KLC1: variants seen among roughly 807,000 people sequenced by gnomAD.
The protein encoded by KLC1 is kinesin light chain 1.
A neutral mutation model predicts 84.2 loss-of-function variants in KLC1; 30 were observed. The ratio of observed to expected loss-of-function variants is 0.36; its 90% CI spans 0.27 to 0.48. The LOEUF is 0.48. Ranked by LOEUF, KLC1 falls within the 20% of genes least tolerant of loss-of-function variation. The probability of loss-of-function intolerance (pLI) is 0.99; values close to 1 mark genes in which losing one functional copy is unlikely to be tolerated. For synonymous variants in KLC1, 289 were observed against 293.3 expected (o/e 0.99, Z 0.15); for missense variants, 499 against 805.4 (o/e 0.62, Z 4.60).
chr14:103,646,932 C>G (rs978568032), intron 1 of KLC1, among the ~76,000 whole-genome samples: 1 of 152,088 alleles, frequency 6.6e-6, no homozygotes, highest in East Asian at 1.9e-4. Context: ...TTCTATTTTT[C>G]ATATTACCTC....
chr14:103,640,845 C>T (rs2077433190), intron 1 of KLC1, among the ~76,000 whole-genome samples: 2 of 152,198 alleles, frequency 1.3e-5, no homozygotes, highest in South Asian at 2.1e-4. Context: ...TCCAATTTCC[C>T]CTAATGTTAA....
At chr14:103,686,301 A>G in intron 13 of KLC1, 2 of 827,404 alleles carry the variant, frequency 2.4e-6, no homozygotes, top group Non-Finnish European at 2.9e-6. Flanking sequence ...CACAGCTGCT[A>G]GGGGTCATGG....
chr14:103,679,238 C>G lies in KLC1; in HGVS notation c.1489-146C>G, dbSNP rs1023117521. 6.6e-6 allele frequency: 7 copies of G among 1,058,728 alleles called. No homozygotes were observed. In the African/African-American group the frequency reaches 7.9e-5, roughly 12 times the overall value. The allele number at this position is 1,058,728 out of a possible 1,614,324, so 65.6% of individuals were successfully genotyped here. Reference sequence around the variant, plus strand: ...CAGTTCCCCGCCTCCACCCTCACCCCCTCCAAGGAACCACTCTTCCAATGT... The same window carrying G: ...CAGTTCCCCGCCTCCACCCTCACCCGCTCCAAGGAACCACTCTTCCAATGT... On this transcript the variant is annotated intron_variant, in intron 12 of 16. Transcript: ENST00000334553.
intron 1 of KLC1, among the ~76,000 whole-genome samples, chr14:103,645,590 C>A (rs2077854327): frequency 6.6e-6 from 1 of 152,178 alleles, no homozygotes; most frequent in South Asian, 2.1e-4. Flanking sequence ...TTACACAAAC[C>A]TAGGAAGTAT....
intron 5 of KLC1, among the ~76,000 whole-genome samples, chr14:103,667,336 A>G (rs1240483295): frequency 2.0e-5 from 3 of 151,048 alleles, no homozygotes; most frequent in African/African-American, 7.3e-5. Flanking sequence ...TGAACTCCTG[A>G]CCTCGGGTGA....
At chr14:103,657,053 A>T (rs920958309) in intron 2 of KLC1, among the ~76,000 whole-genome samples, 3 of 152,068 alleles carry the variant, frequency 2.0e-5, no homozygotes, top group Non-Finnish European at 2.9e-5. Context: ...TCTTGGTGGT[A>T]GCTACAGAGA....
intron 1 of KLC1, among the ~76,000 whole-genome samples, chr14:103,653,984 G>T (rs2078659401): frequency 6.6e-6 from 1 of 152,060 alleles, no homozygotes; most frequent in African/African-American, 2.4e-5. Flanking sequence ...CATCACCCTG[G>T]GCCTGGCCCT....
At chr14:103,661,308 G>A (rs932892762) in intron 3 of KLC1, among the ~76,000 whole-genome samples, 1 of 152,160 alleles carries the variant, frequency 6.6e-6, no homozygotes, top group East Asian at 1.9e-4. Context: ...GCATGTGGCC[G>A]TCACATCTGT....
rs147880656 is a variant in KLC1, at chr14:103,664,211, G to A, written c.797+1284G>A. On this transcript the variant is annotated intron_variant, in intron 5 of 16. Transcript: ENST00000334553. Reference sequence around the variant, plus strand: ...CTGTCACCCAGGCTGGAGTGCAGTGGTGCAATCTCAGCTCACCGCAACCTC... The same window carrying A: ...CTGTCACCCAGGCTGGAGTGCAGTGATGCAATCTCAGCTCACCGCAACCTC... Among the ~76,000 whole-genome samples the A allele has an allele frequency of 2.6e-4, 40 of 152,244 alleles. 1 individual carries two copies. The highest frequency in any genetic ancestry group is 7.9e-4 in the African/African-American group (33 of 41,544).
chr14:103,698,574 G>A (rs1013083352), intron 15 of KLC1: 11 of 584,872 alleles, frequency 1.9e-5, no homozygotes, highest in South Asian at 4.0e-5. Flanking sequence ...CCCAGCAAGC[G>A]GGCCTGTCCC....
chr14:103,681,075 G>A (rs1228728163), intron 13 of KLC1, among the ~76,000 whole-genome samples: 2 of 152,166 alleles, frequency 1.3e-5, no homozygotes, highest in African/African-American at 4.8e-5. Flanking sequence ...TCCTCTGCAC[G>A]CCTGCTGGTT....
At chr14:103,664,435 A>G (rs886203021) in intron 5 of KLC1, among the ~76,000 whole-genome samples, 20 of 152,134 alleles carry the variant, frequency 1.3e-4, no homozygotes, top group African/African-American at 4.8e-4. Flanking sequence ...TACAGGCATG[A>G]GCCACTGTGC....
At chr14:103,659,650 CAG>C (rs377436551) in intron 3 of KLC1, among the ~76,000 whole-genome samples, 23 of 152,304 alleles carry the variant, frequency 1.5e-4, no homozygotes, top group African/African-American at 5.5e-4. Flanking sequence ...TGTACATAAT[CAG>C]AATACTAGAG....
At chr14:103,679,310 G>C in intron 12 of KLC1, 74 bp from the exon 13 acceptor site, 4 of 1,344,664 alleles carry the variant, frequency 3.0e-6, no homozygotes, top group East Asian at 2.5e-5. Context: ...TTTTTCTAGC[G>C]AAGTATCTCA....
intron 14 of KLC1, among the ~76,000 whole-genome samples, chr14:103,691,417 C>T (rs1044636684): frequency 1.3e-5 from 2 of 151,120 alleles, no homozygotes; most frequent in Non-Finnish European, 2.9e-5. Context: ...GCCTCAGTCT[C>T]CCAAAGTGCT....
rs17101777 is a variant in KLC1 at position 103,699,074 on chromosome 14, G to A, written c.1849-1581G>A. ...CAGGCTTGGTGGCCCCGCCCACTTC[G>A]GCCCAGCTGTGCCCCTGGCACCTGC... On this transcript the variant is annotated intron_variant, in intron 15 of 16. Coordinates refer to ENST00000334553, the MANE Select transcript of KLC1 (RefSeq NM_001394837.1). The A allele has an allele frequency of 6.5e-3, 10,177 of 1,563,360 alleles. 36 individuals are homozygous for A. The highest frequency in any genetic ancestry group is 8.4e-3 in the Non-Finnish European group (9,650 of 1,153,750).
intron 1 of KLC1, among the ~76,000 whole-genome samples, chr14:103,639,287 C>T (rs774689693): frequency 6.6e-6 from 1 of 152,054 alleles, no homozygotes; most frequent in Non-Finnish European, 1.5e-5. Context: ...TGTGCCACCA[C>T]GCCTAGCTAA....
At chr14:103,662,675 C>T in intron 4 of KLC1, 27 bp from the exon 5 acceptor site, 3 of 1,503,976 alleles carry the variant, frequency 2.0e-6, no homozygotes. Flanking sequence ...TTTAAAAACC[C>T]ATCTGAAGTG....
chr14:103,687,308 A>C (rs571586503), intron 14 of KLC1, 97 bp downstream of exon 14: 2 of 1,238,782 alleles, frequency 1.6e-6, no homozygotes, highest in African/African-American at 3.0e-5. Context: ...ACTTGAGGAA[A>C]GACACTCCAG....
Sources: allele counts gnomAD v4.1 joint callset (sites outside exome capture counted in the v4.1 genomes callset), GRCh38; gene constraint gnomAD v4.1.1; transcripts MANE v1.5; gene names NCBI Gene and HGNC (gene_info 2026-07-23, HGNC 2026-07-21).